TBXAS1: variants seen among roughly 807,000 people sequenced by gnomAD.
The protein encoded by TBXAS1 is thromboxane A synthase 1, also known as thromboxane-A synthase.
TBXAS1 carries 48 observed loss-of-function variants against 60.7 expected under a neutral mutation model. The ratio of observed to expected loss-of-function variants is 0.79; its 90% CI spans 0.63 to 1.01. The LOEUF (loss-of-function observed/expected upper bound fraction) is 1.01. Among genes scored for constraint, TBXAS1 ranks in the 50% least tolerant of loss-of-function variants. The probability of loss-of-function intolerance (pLI) is 0.00; values close to 1 mark genes in which losing one functional copy is unlikely to be tolerated. For synonymous variants in TBXAS1, 287 were observed against 269.7 expected, an observed-to-expected ratio of 1.06 and a Z score of -0.63; for missense variants, 685 against 686.3, an observed-to-expected ratio of 1.00 and a Z score of 0.02.
chr7:139,833,699 AAGAG>A (rs1798871236), intron 1 of TBXAS1, among the ~76,000 whole-genome samples: 2 of 152,032 alleles, frequency 1.3e-5, no homozygotes. Context: ...AAATAAAAAA[AAGAG>A]AGAGACAAAG....
rs562263653 is a variant in TBXAS1, at chr7:139,985,843, G to C, written c.1135-21248G>C. On this transcript the variant is annotated intron_variant, in intron 9 of 12. Coordinates refer to ENST00000448866, the MANE Select transcript of TBXAS1 (RefSeq NM_001061.7). Reference sequence around the variant, plus strand: ...GGGTGGACGGCGCTTACAGACTCGGGTGCCACTTCCTCTTGTCCAGCTCCA... The same window carrying C: ...GGGTGGACGGCGCTTACAGACTCGGCTGCCACTTCCTCTTGTCCAGCTCCA... 3.0e-4 allele frequency among the ~76,000 whole-genome samples: 45 copies of C among 152,320 alleles called. 1 individual carries two copies. The highest frequency in any genetic ancestry group is 2.5e-4 in the Non-Finnish European group (17 of 68,028).
chr7:139,948,348 A>T (rs967444977), intron 5 of TBXAS1, among the ~76,000 whole-genome samples: 1 of 152,160 alleles, frequency 6.6e-6, no homozygotes, highest in African/African-American at 2.4e-5. Context: ...GTCTCTTCTT[A>T]TAAGGACACC....
At chr7:139,956,127 A>ATTTAT (rs977560161) in intron 7 of TBXAS1, among the ~76,000 whole-genome samples, 1 of 152,060 alleles carries the variant, frequency 6.6e-6, no homozygotes, top group South Asian at 2.1e-4. Context: ...GGACCAGTCT[A>ATTTAT]TTTATTTTAT....
intron 4 of TBXAS1, among the ~76,000 whole-genome samples, chr7:139,915,291 G>A (rs181285665): frequency 2.1e-4 from 32 of 152,270 alleles, no homozygotes; most frequent in African/African-American, 7.5e-4. Flanking sequence ...AGAACTCAAG[G>A]AGATTAGTGA....
At chr7:139,793,640 A>C (rs1797460515) in intron 4 of TBXAS1, among the ~76,000 whole-genome samples, 1 of 152,232 alleles carries the variant, frequency 6.6e-6, no homozygotes, top group African/African-American at 2.4e-5. Flanking sequence ...AGAGTCAAAG[A>C]AAGCTTACAT....
intron 9 of TBXAS1, among the ~76,000 whole-genome samples, chr7:139,993,424 C>T (rs370390068): frequency 7.2e-5 from 11 of 152,220 alleles, no homozygotes; most frequent in African/African-American, 1.2e-4. Context: ...TCCCTGAGGC[C>T]GGAGAAATCA....
intron 3 of TBXAS1, among the ~76,000 whole-genome samples, chr7:139,905,602 T>A (rs2117021917): frequency 6.6e-6 from 1 of 152,240 alleles, no homozygotes; most frequent in Admixed American, 6.5e-5. Context: ...CCTTTCCTGG[T>A]TTTGGTTTTA....
chr7:139,955,719 C>T lies in TBXAS1; in HGVS notation c.688+112C>T, dbSNP rs549223564. On this transcript the variant is annotated intron_variant, in intron 7 of 12. Coordinates refer to ENST00000448866, the MANE Select transcript of TBXAS1 (RefSeq NM_001061.7). ...GTCCCTGCCACTGGGAAAGGGCACT[C>T]GGGTTGTTCCCCTGCAGAGGCTTTG... 3.0e-5 allele frequency: 45 copies of T among 1,486,792 alleles called. No homozygotes were observed. In the African/African-American group the frequency reaches 3.6e-4, roughly 12 times the overall value. The allele number at this position is 1,486,792 out of a possible 1,614,324, so 92.1% of individuals were successfully genotyped here.
chr7:139,988,955 T>C (rs952394342), intron 9 of TBXAS1, among the ~76,000 whole-genome samples: 1 of 152,242 alleles, frequency 6.6e-6, no homozygotes, highest in South Asian at 2.1e-4. Flanking sequence ...GAGAGGCAGG[T>C]TCACCCAGCT....
At chr7:139,974,621 G>A (rs1811439047) in intron 9 of TBXAS1, among the ~76,000 whole-genome samples, 1 of 152,160 alleles carries the variant, frequency 6.6e-6, no homozygotes, top group South Asian at 2.1e-4. Context: ...ACATTGTGTA[G>A]CTCATAAGGT....
At chr7:139,872,437 C>T (rs1801894329) in intron 2 of TBXAS1, 109 bp downstream of exon 2, 3 of 1,084,054 alleles carry the variant, frequency 2.8e-6, no homozygotes, top group African/African-American at 1.6e-5. Context: ...TGTGGATCAC[C>T]TGAGGTCAGG....
At chr7:139,836,085 A>C (rs957543703) in intron 1 of TBXAS1, among the ~76,000 whole-genome samples, 6 of 151,282 alleles carry the variant, frequency 4.0e-5, no homozygotes, top group African/African-American at 1.2e-4. Flanking sequence ...TAAATAAATA[A>C]AATACTTAGG....
At chr7:139,834,345 A>C (rs1798918246) in intron 1 of TBXAS1, among the ~76,000 whole-genome samples, 1 of 152,142 alleles carries the variant, frequency 6.6e-6, no homozygotes, top group Admixed American at 6.5e-5. Context: ...AGCCCTAAAC[A>C]CCTACATCAA....
intron 1 of TBXAS1, among the ~76,000 whole-genome samples, chr7:139,854,205 T>G (rs946260558): frequency 1.3e-5 from 2 of 152,002 alleles, no homozygotes; most frequent in East Asian, 3.9e-4. Context: ...TTCTTGCCTC[T>G]CCTTTGTCTT....
intron 1 of TBXAS1, among the ~76,000 whole-genome samples, chr7:139,841,880 G>C (rs1799474690): frequency 6.6e-6 from 1 of 152,164 alleles, no homozygotes; most frequent in Non-Finnish European, 1.5e-5. Context: ...CTTTTTGTGG[G>C]AATGGCACTT....
chr7:139,926,482 C>T (rs761630034), intron 4 of TBXAS1, among the ~76,000 whole-genome samples: 1 of 152,084 alleles, frequency 6.6e-6, no homozygotes, highest in Non-Finnish European at 1.5e-5. Context: ...TATAACATCT[C>T]TTTTTTCATC....
intron 1 of TBXAS1, among the ~76,000 whole-genome samples, chr7:139,857,390 G>A (rs1349191606): frequency 1.3e-5 from 2 of 151,972 alleles, no homozygotes; most frequent in Non-Finnish European, 2.9e-5. Context: ...TTTGGGGGAA[G>A]GTTTTATGCT....
At chr7:139,947,292 T>C (rs964335052) in intron 5 of TBXAS1, among the ~76,000 whole-genome samples, 11 of 152,178 alleles carry the variant, frequency 7.2e-5, no homozygotes, top group African/African-American at 2.4e-4. Context: ...GAGGCCATTA[T>C]CCTCAGCTAA....
In TBXAS1 at chr7:139,875,624, G is replaced by A; in HGVS notation, c.223G>A (p.Gly75Arg). 3.7e-6 allele frequency: 6 copies of A among 1,613,424 alleles called. No individual in the cohort carries two copies. The highest frequency in any genetic ancestry group is 5.1e-6 in the Non-Finnish European group (6 of 1,180,016). Reference protein sequence around the residue: ...ESQMELRKLYGPLCGYYLGRR... With the variant: ...ESQMELRKLYRPLCGYYLGRR... ...CCAAATGGAGCTCAGAAAGCTGTAT[G>A]GACCTCTGTGTGGGTAAGAAGGAAA... Residue 75 changes from glycine (G) to arginine (R), a missense_variant, in exon 3 of 13, where the codon GGA becomes AGA. Physicochemically the swap from Gly to Arg is moderately radical, Grantham distance 125. Coordinates refer to ENST00000448866, the MANE Select transcript of TBXAS1 (RefSeq NM_001061.7).
Sources: gnomAD v4.1 joint callset for allele counts (sites outside exome capture counted in the v4.1 genomes callset) on GRCh38, gnomAD v4.1.1 for gene constraint, MANE v1.5 for transcripts, NCBI Gene and HGNC (gene_info 2026-07-23, HGNC 2026-07-21) for gene names.